The following CEP192 variants were observed in gnomAD, a reference collection of about 807,000 sequenced individuals.
CEP192 encodes the protein centrosomal protein of 192 kDa.
CEP192 carries 151 observed loss-of-function variants against 271.8 expected under a neutral mutation model. That is an observed-to-expected ratio of 0.56 (90% CI 0.49 to 0.64). The LOEUF is 0.64. Among genes scored for constraint, CEP192 ranks in the 30% least tolerant of loss-of-function variants. The probability of loss-of-function intolerance (pLI) is 0.00; values close to 1 mark genes in which losing one functional copy is unlikely to be tolerated. For synonymous variants in CEP192, 995 were observed against 1,076.5 expected, an observed-to-expected ratio of 0.92 and a Z score of 1.48; for missense variants, 2,910 against 3,020.5, an observed-to-expected ratio of 0.96 and a Z score of 0.86.
intron 20 of CEP192, 149 bp from the exon 21 acceptor site, chr18:13,058,933 A>G: frequency 1.6e-6 from 1 of 624,674 alleles, no homozygotes; most frequent in East Asian, 2.7e-5. Context: ...AGAGACCATA[A>G]ATGACAAGGT....
intron 18 of CEP192, among the ~76,000 whole-genome samples, chr18:13,054,034 C>T (rs1427886217): frequency 6.6e-6 from 1 of 152,082 alleles, no homozygotes; most frequent in African/African-American, 2.4e-5. Context: ...TGCTATGTTG[C>T]CAGAGCTGGT....
chr18:13,104,251 C>T (rs868739922), intron 39 of CEP192, among the ~76,000 whole-genome samples: 1 of 152,148 alleles, frequency 6.6e-6, no homozygotes, highest in Non-Finnish European at 1.5e-5. Context: ...TGAGTGCTGT[C>T]ATATGTTCCC....
At chr18:13,097,195 G>A (rs2039441764) in intron 36 of CEP192, among the ~76,000 whole-genome samples, 1 of 152,150 alleles carries the variant, frequency 6.6e-6, no homozygotes, top group Admixed American at 6.5e-5. Context: ...GGTAGAACAG[G>A]TTCCTCACAG....
intron 30 of CEP192, among the ~76,000 whole-genome samples, chr18:13,083,078 T>A (rs1459464691): frequency 3.3e-5 from 5 of 152,210 alleles, no homozygotes; most frequent in Admixed American, 1.3e-4. Context: ...CCAACCTTGG[T>A]GAATCTGACA....
rs139654279 is a variant in CEP192, at chr18:13,051,217, C to T, written c.3017+1326C>T. Among the ~76,000 whole-genome samples the T allele has an allele frequency of 2.4e-4, 36 of 152,202 alleles. No homozygotes were observed. In the Middle Eastern group the frequency reaches 0.01, roughly 43 times the overall value. ...TCGGTATGTCTTCCCTTTTATTTTG[C>T]CTGTGTTCTTGCAGTTCAGTTTTCA... On this transcript the variant is annotated intron_variant, in intron 17 of 44. Coordinates refer to ENST00000506447, the MANE Select transcript of CEP192 (RefSeq NM_032142.4).
At chr18:13,041,476 G>A (rs58820551) in intron 14 of CEP192, among the ~76,000 whole-genome samples, 20,542 of 151,918 alleles carry the variant, frequency 0.14, 1,535 homozygotes, top group East Asian at 0.31. Context: ...TAGTAGGGGA[G>A]TTGGGACAAA....
rs1025593272 is a variant in CEP192 at position 13,087,398 on chromosome 18, T to C, written c.5877+121T>C. On this transcript the variant is annotated intron_variant, in intron 31 of 44. Transcript: ENST00000506447. The stretch of plus-strand genomic sequence containing the variant: ...AATAATGTAGGAATAGAAGTACTTA[T>C]GTGATCTTGGAAATGCCATGCGTAT... 5.8e-5 allele frequency: 61 copies of C among 1,055,698 alleles called. No homozygotes were observed. In the Admixed American group the frequency reaches 9.3e-4, roughly 16 times the overall value. 65.4% of individuals were successfully genotyped at this position (1,055,698 alleles called of 1,614,324 possible). A position where few individuals can be genotyped will look rare whatever the true frequency, so the allele number is the denominator to read the frequency against.
intron 42 of CEP192, among the ~76,000 whole-genome samples, chr18:13,115,987 C>A (rs2145103190): frequency 6.6e-6 from 1 of 152,296 alleles, no homozygotes; most frequent in African/African-American, 2.4e-5. Flanking sequence ...AGTGCCACCA[C>A]CAGCAAACAT....
intron 4 of CEP192, among the ~76,000 whole-genome samples, 164 bp from the exon 5 acceptor site, chr18:13,012,809 A>G (rs2034440141): frequency 6.6e-6 from 1 of 152,212 alleles, no homozygotes. Context: ...CTGCCCTAAC[A>G]TTTAAAAACA....
intron 30 of CEP192, among the ~76,000 whole-genome samples, chr18:13,081,231 G>T (rs1173648806): frequency 6.6e-6 from 1 of 152,116 alleles, no homozygotes; most frequent in African/African-American, 2.4e-5. Flanking sequence ...GCTCCTCTTT[G>T]TACCTCTGGT....
At chr18:13,103,649 T>TA (rs1015247148) in intron 39 of CEP192, 61 bp downstream of exon 39, 2 of 1,268,386 alleles carry the variant, frequency 1.6e-6, no homozygotes, top group African/African-American at 2.9e-5. Flanking sequence ...CAGGATGTTC[T>TA]AAAAACTGAC....
intron 40 of CEP192, among the ~76,000 whole-genome samples, chr18:13,112,594 G>A (rs1002720126): frequency 2.0e-5 from 3 of 152,152 alleles, no homozygotes; most frequent in Admixed American, 2.0e-4. Context: ...TTATAGTCCC[G>A]TAGTCCCCAG....
At position 13,056,315 on chromosome 18, in the gene CEP192, A is replaced by C. The variant is rs1200773595; in HGVS notation, c.3725A>C (p.Asn1242Thr). ...TVHSSVADMQ[N>T]MPAAVHALLT... ...CACAGCTCTGTGGCTGACATGCAGAACATGCCTGCTGCTGTGCACGCACTC... is the reference window on the plus strand; with the variant it reads ...CACAGCTCTGTGGCTGACATGCAGACCATGCCTGCTGCTGTGCACGCACTC... The change falls in exon 19 of 45, where the codon AAC becomes ACC. Residue 1242 changes from asparagine to threonine, a missense_variant. Physicochemically the swap from Asn to Thr is moderately conservative, Grantham distance 65 (BLOSUM62 0). Coordinates refer to ENST00000506447, the MANE Select transcript of CEP192 (RefSeq NM_032142.4). The C allele has an allele frequency of 4.3e-6, 7 of 1,613,836 alleles. No individual in the cohort carries two copies. Among genetic ancestry groups the C allele is most frequent in the Non-Finnish European group, 5.9e-6 (7 of 1,179,762 alleles).
At chr18:13,037,986 A>G (rs2036002498) in intron 12 of CEP192, among the ~76,000 whole-genome samples, 1 of 152,196 alleles carries the variant, frequency 6.6e-6, no homozygotes, top group Middle Eastern at 3.4e-3. Context: ...TGTTTAATGA[A>G]GCAATAGATG....
At chr18:13,107,738 T>C (rs2040021029) in intron 40 of CEP192, among the ~76,000 whole-genome samples, 1 of 152,178 alleles carries the variant, frequency 6.6e-6, no homozygotes, top group South Asian at 2.1e-4. Context: ...TTGTTTTTAT[T>C]TTTCCTATGG....
Position 13,087,609 on chromosome 18 carries a change from T to C in CEP192, c.5956T>C (p.Phe1986Leu), listed in dbSNP as rs780815552. Residue 1986 changes from phenylalanine (F) to leucine (L), a missense_variant, in exon 32 of 45, where the codon TTT (phenylalanine) becomes CTT (leucine). Transcript: ENST00000506447. ...TATELSTVYL[F>L]GGDEISRQQY... ...AACAGAACTATCAACTGTATACTTA[T>C]TTGGTGGAGATGAAATTTCAAGACA... The C allele has an allele frequency of 1.1e-5, 17 of 1,577,610 alleles. No individual in the cohort carries two copies. Among genetic ancestry groups the C allele is most frequent in the African/African-American group, 1.4e-5 (1 of 73,554 alleles).
chr18:13,123,323 C>G (rs193209386), intron 44 of CEP192, among the ~76,000 whole-genome samples: 171 of 152,220 alleles, frequency 1.1e-3, no homozygotes, highest in Non-Finnish European at 2.1e-3. Context: ...ATAACCCAGA[C>G]TTTAAATAAA....
At chr18:13,074,952 C>A (rs2038194311) in intron 30 of CEP192, among the ~76,000 whole-genome samples, 1 of 152,196 alleles carries the variant, frequency 6.6e-6, no homozygotes, top group Non-Finnish European at 1.5e-5. Flanking sequence ...CATGATAGGA[C>A]TGCAATAAAA....
At chr18:13,081,867 G>A (rs891405556) in intron 30 of CEP192, among the ~76,000 whole-genome samples, 1 of 152,188 alleles carries the variant, frequency 6.6e-6, no homozygotes, top group African/African-American at 2.4e-5. Flanking sequence ...TATTTACCCA[G>A]TAGTCATTCA....
Sources: gnomAD v4.1 joint callset for allele counts (sites outside exome capture counted in the v4.1 genomes callset) on GRCh38, gnomAD v4.1.1 for gene constraint, MANE v1.5 for transcripts, NCBI Gene and HGNC (gene_info 2026-07-23, HGNC 2026-07-21) for gene names.